Variants in ANKRD44 observed in about 807,000 individuals in gnomAD.
The protein encoded by ANKRD44 is serine/threonine-protein phosphatase 6 regulatory ankyrin repeat subunit B.
A neutral mutation model predicts 116.0 loss-of-function variants in ANKRD44; 35 were observed. The ratio of observed to expected loss-of-function variants is 0.30; its 90% CI spans 0.23 to 0.40. The LOEUF (loss-of-function observed/expected upper bound fraction) is 0.40, where lower values mean the gene tolerates loss of function less well. ANKRD44 is among the 10% of genes least tolerant of loss of function. ANKRD44 has a pLI of 1.00. For missense variants in ANKRD44, 1,014 were observed against 1,242.6 expected, an observed-to-expected ratio of 0.82 and a Z score of 2.77; for synonymous variants, 435 against 461.8, an observed-to-expected ratio of 0.94 and a Z score of 0.74.
At chr2:196,971,660 A>T (rs1280696277) in intron 21 of ANKRD44, among the ~76,000 whole-genome samples, 2 of 152,192 alleles carry the variant, frequency 1.3e-5, no homozygotes, top group African/African-American at 4.8e-5. Context: ...CTAAAGGAGT[A>T]ATATTTAACT....
At chr2:197,071,095 TTA>T (rs1275164952) in intron 16 of ANKRD44, among the ~76,000 whole-genome samples, 3 of 152,192 alleles carry the variant, frequency 2.0e-5, no homozygotes, top group Admixed American at 1.3e-4. Context: ...TATTGTTAAT[TTA>T]TGTTTCCTCT....
intron 2 of ANKRD44, among the ~76,000 whole-genome samples, chr2:197,166,348 A>G (rs895138348): frequency 6.6e-6 from 1 of 152,226 alleles, no homozygotes; most frequent in African/African-American, 2.4e-5. Flanking sequence ...GTAATGCCAT[A>G]AACTGTTATG....
At chr2:197,159,076 C>G (rs932004694) in intron 2 of ANKRD44, among the ~76,000 whole-genome samples, 14 of 152,118 alleles carry the variant, frequency 9.2e-5, no homozygotes, top group African/African-American at 2.7e-4. Flanking sequence ...AGGAGATGCT[C>G]AAAGGCATCT....
chr2:197,170,368 C>CAAGTTT (rs1439230609), intron 2 of ANKRD44, among the ~76,000 whole-genome samples: 2 of 152,140 alleles, frequency 1.3e-5, no homozygotes, highest in Non-Finnish European at 2.9e-5. Flanking sequence ...AAGTGCTTCC[C>CAAGTTT]AAGTTTACTT....
intron 16 of ANKRD44, among the ~76,000 whole-genome samples, chr2:197,065,430 G>A (rs2077410291): frequency 6.6e-6 from 1 of 152,052 alleles, no homozygotes; most frequent in Non-Finnish European, 1.5e-5. Flanking sequence ...GCTAGCAGAA[G>A]GCAAGAAATA....
chr2:197,287,282 T>G (rs187304196), intron 1 of ANKRD44, among the ~76,000 whole-genome samples: 38 of 152,208 alleles, frequency 2.5e-4, no homozygotes, highest in African/African-American at 9.2e-4. Flanking sequence ...AAGTATACCT[T>G]CTAGATGTTC....
chr2:197,032,546 G>A (rs1185726676), intron 16 of ANKRD44, among the ~76,000 whole-genome samples: 1 of 152,010 alleles, frequency 6.6e-6, no homozygotes, highest in Non-Finnish European at 1.5e-5. Flanking sequence ...CCGCCACCAC[G>A]CCTGGCTAGT....
chr2:197,005,878 C>A lies in ANKRD44; in HGVS notation c.2163G>T (p.Met721Ile), dbSNP rs1194685829. The change falls in exon 21 of 28, where the codon ATG becomes ATT. Residue 721 changes from methionine to isoleucine, a missense_variant. Coordinates refer to ENST00000282272, the MANE Select transcript of ANKRD44 (RefSeq NM_001195144.2). ...GAATTGACACTTCTTGTTCCAGCAG[C>A]ATTTGCACACATTCCTCGTGTCCTG... is the stretch of plus-strand genomic sequence containing the variant. ...IMTGHEECVQ[M>I]LLEQEVSILC... 1 of 1,614,264 alleles carries A rather than the reference C, an allele frequency of 6.2e-7. No homozygotes were observed. Among genetic ancestry groups the A allele is most frequent in the Admixed American group, 1.7e-5 (1 of 60,028 alleles).
Position 196,991,298 on chromosome 2 carries a change from T to C in ANKRD44, c.2924-1649A>G, listed in dbSNP as rs16860149. Among the ~76,000 whole-genome samples, 412 of 152,190 alleles carry C rather than the reference T, an allele frequency of 2.7e-3. 3 individuals are homozygous for C. Among genetic ancestry groups the C allele is most frequent in the African/African-American group, 9.3e-3 (388 of 41,532 alleles). On this transcript the variant is annotated intron_variant, in intron 27 of 27. Transcript: ENST00000282272. ...GGACAATCAGGAGGATGTTTCCGCCTGAGAGCACACACACACCATGAGCCT... is the reference window on the plus strand; with the variant it reads ...GGACAATCAGGAGGATGTTTCCGCCCGAGAGCACACACACACCATGAGCCT...
At chr2:197,035,052 C>T (rs951510878) in intron 16 of ANKRD44, among the ~76,000 whole-genome samples, 2 of 152,262 alleles carry the variant, frequency 1.3e-5, no homozygotes, top group East Asian at 1.9e-4. Flanking sequence ...CATTTCAATG[C>T]TTTGGATTTA....
At chr2:196,983,082 G>T (rs932890550), downstream of ANKRD44, among the ~76,000 whole-genome samples, 1 of 151,946 alleles carries the variant, frequency 6.6e-6, no homozygotes. Context: ...TGCATGCGGG[G>T]CCTAAAACCT....
intron 1 of ANKRD44, among the ~76,000 whole-genome samples, chr2:197,273,217 A>C (rs962281641): frequency 2.0e-5 from 3 of 152,234 alleles, no homozygotes; most frequent in Non-Finnish European, 4.4e-5. Context: ...GAGACTGAAG[A>C]AAGATGAGGA....
chr2:197,017,272 C>T (rs886815504), intron 17 of ANKRD44, among the ~76,000 whole-genome samples: 1 of 152,054 alleles, frequency 6.6e-6, no homozygotes, highest in Non-Finnish European at 1.5e-5. Flanking sequence ...TATATATAGG[C>T]TTCTATATTC....
chr2:197,256,242 C>A (rs184507211), intron 1 of ANKRD44, among the ~76,000 whole-genome samples: 1 of 152,120 alleles, frequency 6.6e-6, no homozygotes, highest in African/African-American at 2.4e-5. Context: ...CAACAGTGGA[C>A]CAGGCTCATT....
intron 1 of ANKRD44, chr2:197,263,364 G>A (rs1316587795): frequency 1.7e-5 from 11 of 630,122 alleles, no homozygotes; most frequent in African/African-American, 3.8e-5. Flanking sequence ...TTGGGGTGGC[G>A]GGCTCTGGGG....
chr2:197,114,776 G>A (rs1364719421), intron 8 of ANKRD44, among the ~76,000 whole-genome samples: 1 of 152,126 alleles, frequency 6.6e-6, no homozygotes, highest in East Asian at 1.9e-4. Context: ...GGTTAGGGGT[G>A]GGGTCAAATA....
chr2:197,139,370 T>C (rs1222893515), intron 3 of ANKRD44, among the ~76,000 whole-genome samples: 2 of 152,240 alleles, frequency 1.3e-5, no homozygotes, highest in African/African-American at 4.8e-5. Context: ...TATAAACAGA[T>C]GTACTTTTAA....
intron 18 of ANKRD44, among the ~76,000 whole-genome samples, chr2:197,010,344 C>T (rs1443556667): frequency 6.6e-6 from 1 of 152,182 alleles, no homozygotes; most frequent in Admixed American, 6.5e-5. Flanking sequence ...TCCCAGGCAT[C>T]CTCGTGCCTG....
At chr2:197,046,971 TA>T (rs2077013274) in intron 16 of ANKRD44, among the ~76,000 whole-genome samples, 1 of 152,090 alleles carries the variant, frequency 6.6e-6, no homozygotes, top group Admixed American at 6.6e-5. Context: ...AGAAGACTAT[TA>T]AATTTTTCTT....
Sources: allele counts gnomAD v4.1 joint callset (sites outside exome capture counted in the v4.1 genomes callset), GRCh38; gene constraint gnomAD v4.1.1; transcripts MANE v1.5; gene names NCBI Gene and HGNC (gene_info 2026-07-23, HGNC 2026-07-21).